SNX19: variants seen among roughly 807,000 people sequenced by gnomAD.
SNX19 encodes the protein sorting nexin-19.
In SNX19, 60 loss-of-function variants were observed where a neutral mutation model predicts 85.2. The ratio of observed to expected loss-of-function variants is 0.70; its 90% CI spans 0.57 to 0.87. The LOEUF (loss-of-function observed/expected upper bound fraction) is 0.87. Among genes scored for constraint, SNX19 ranks in the 40% least tolerant of loss-of-function variants. The pLI is 0.00. For missense variants in SNX19, 1,201 were observed against 1,217.8 expected, an observed-to-expected ratio of 0.99 and a Z score of 0.21; for synonymous variants, 520 against 470.0, an observed-to-expected ratio of 1.11 and a Z score of -1.38.
Position 130,914,643 on chromosome 11 carries a change from CTG to C in SNX19, c.1295_1296del (p.Thr432ArgfsTer18), listed in dbSNP as rs1388507550. On this transcript the variant is annotated frameshift_variant, in exon 1 of 11. Transcript: ENST00000265909. LOFTEE classifies it high-confidence loss of function. ...AGTGTGGAGACCGGCAGGCCTGTCT[CTG>C]TTTCTGTCCCTGGACCCTCCTCAGC... ...AEAEEGPGTE[T>X]ETGLPVSTLN... The C allele has an allele frequency of 6.2e-7, 1 of 1,613,968 alleles. No homozygotes were observed. The highest frequency in any genetic ancestry group is 2.2e-5 in the East Asian group (1 of 44,872).
chr11:130,895,218 C>T (rs1055081426), intron 8 of SNX19: 6 of 985,446 alleles, frequency 6.1e-6, no homozygotes, highest in Non-Finnish European at 7.2e-6. Context: ...AACCTCTTTG[C>T]TTAGGCCGTA....
In SNX19 at chr11:130,915,989, C is replaced by G. The variant is rs1946562418; in HGVS notation, c.-50G>C. 6.6e-7 allele frequency: 1 copy of G among 1,524,954 alleles called. No individual in the cohort carries two copies. Among genetic ancestry groups the G allele is most frequent in the Non-Finnish European group, 8.9e-7 (1 of 1,120,430 alleles). The allele number at this position is 1,524,954 out of a possible 1,614,324, so 94.5% of individuals were successfully genotyped here. A position where few individuals can be genotyped will look rare whatever the true frequency, so the allele number is the denominator to read the frequency against. ...CCAGATGACAGCCCTCAAGATTTTA[C>G]TTCAGAGTTAGGGAAGGGGGGCATG... On this transcript the variant is annotated 5_prime_UTR_variant, in exon 1 of 11. Transcript: ENST00000265909.
chr11:130,915,841 C>G lies in SNX19; in HGVS notation c.99G>C (p.Gly33=). ...LLSSRKLMAV[G]VLLGWLLVIH... ...TGACCAGGAGCCAGCCAAGCAAGAC[C>G]CCCACAGCCATCAGCTTCCGGCTAC... Residue 33 remains glycine (G), a synonymous_variant, in exon 1 of 11, where the codon GGG becomes GGC. Coordinates refer to ENST00000265909, the MANE Select transcript of SNX19 (RefSeq NM_014758.3). 4 of 1,614,196 alleles carry G rather than the reference C, an allele frequency of 2.5e-6. No individual in the cohort carries two copies. The highest frequency in any genetic ancestry group is 3.3e-4 in the Middle Eastern group (2 of 6,062).
rs1942812181 is a variant in SNX19 at position 130,867,388 on chromosome 11, C to T, written c.*11034G>A. ...CTGGGACATGAACATAAAAGTGCAACCTAGATGATCAGTGCCACCACCATC... is the reference window on the plus strand; with the variant it reads ...CTGGGACATGAACATAAAAGTGCAATCTAGATGATCAGTGCCACCACCATC... On this transcript the variant is annotated 3_prime_UTR_variant, in exon 11 of 11. Coordinates refer to ENST00000265909, the MANE Select transcript of SNX19 (RefSeq NM_014758.3). 2.0e-5 allele frequency: 3 copies of T among 152,132 alleles called. No individual in the cohort carries two copies. Among genetic ancestry groups the T allele is most frequent in the Admixed American group, 2.0e-4 (3 of 15,274 alleles). The allele number at this position is 152,132 out of a possible 1,614,324, so 9.4% of individuals were successfully genotyped here.
intron 8 of SNX19, among the ~76,000 whole-genome samples, chr11:130,883,561 TCTC>T (rs2135290660): frequency 6.6e-6 from 1 of 152,262 alleles, no homozygotes; most frequent in South Asian, 2.1e-4. Flanking sequence ...TCCTTATTCT[TCTC>T]CACACTCTGA....
At chr11:130,893,995 A>G (rs1306544207) in intron 8 of SNX19, 2 of 573,710 alleles carry the variant, frequency 3.5e-6, no homozygotes, top group African/African-American at 3.8e-5. Flanking sequence ...TGCTTCTCCA[A>G]AACCAAGTTA....
chr11:130,905,360 CA>C (rs71064216), intron 7 of SNX19, among the ~76,000 whole-genome samples: 96,823 of 152,038 alleles, frequency 0.64, 31,099 homozygotes, highest in South Asian at 0.8. Context: ...GGAAAAAAGA[CA>C]ATTTCCATCT....
At chr11:130,880,559 T>C in intron 9 of SNX19, 63 bp downstream of exon 9, 1 of 1,444,426 alleles carries the variant, frequency 6.9e-7, no homozygotes, top group Non-Finnish European at 9.4e-7. Context: ...GCAGGGGTAA[T>C]GGTGGCAAAG....
chr11:130,873,458 G>A lies in SNX19; in HGVS notation c.*4964C>T, dbSNP rs1487847678. 6.6e-6 allele frequency among the ~76,000 whole-genome samples: 1 copy of A among 152,152 alleles called. No individual in the cohort carries two copies. The highest frequency in any genetic ancestry group is 1.5e-5 in the Non-Finnish European group (1 of 68,026). On this transcript the variant is annotated 3_prime_UTR_variant, in exon 11 of 11. Transcript: ENST00000265909. ...CTTTGTAAGGTAGAAGGGCAGTTTA[G>A]TATAGTGGATATACTACGTAGACTC... is the stretch of plus-strand genomic sequence containing the variant.
rs75765495 is a variant in SNX19, at chr11:130,871,848, C to T, written c.*6574G>A. Among the ~76,000 whole-genome samples, 607 of 152,274 alleles carry T rather than the reference C, an allele frequency of 4.0e-3. 6 individuals are homozygous for T. Among genetic ancestry groups the T allele is most frequent in the African/African-American group, 0.014 (586 of 41,546 alleles). On this transcript the variant is annotated 3_prime_UTR_variant, in exon 11 of 11. Coordinates refer to ENST00000265909, the MANE Select transcript of SNX19 (RefSeq NM_014758.3). The stretch of plus-strand genomic sequence containing the variant: ...AAGTGTGGATGATTCATACATTATT[C>T]ACAAACTTACCTTCTTAATCACTAC...
Position 130,915,639 on chromosome 11 carries a change from C to T in SNX19, c.301G>A (p.Glu101Lys), listed in dbSNP as rs1592390176. ...CPEAERQLER[E>K]INRTIQMIIR... is the part of the protein sequence containing the mutation. ...ATCATCTGGATGGTGCGGTTGATCT[C>T]CCGTTCCAGCTGCCTTTCTGCCTCA... The change falls in exon 1 of 11, where the codon GAG (glutamate) becomes AAG (lysine). Residue 101 changes from glutamate (E) to lysine (K), a missense_variant. Glu to Lys is a moderately conservative substitution (Grantham distance 56). This residue lies in a region of SNX19 where 791 missense variants were observed against 750.9 expected (regional missense o/e 1.05). Coordinates refer to ENST00000265909, the MANE Select transcript of SNX19 (RefSeq NM_014758.3). 3 of 1,614,132 alleles carry T rather than the reference C, an allele frequency of 1.9e-6. No individual in the cohort carries two copies. The highest frequency in any genetic ancestry group is 1.3e-5 in the African/African-American group (1 of 74,944).
At position 130,904,694 on chromosome 11, in the gene SNX19, A is replaced by AG. The variant is rs1555141156; in HGVS notation, c.2443+1258_2443+1259insC. ...TCAGTTGCCTTAAAGAAAATGGTAG[A>AG]TTTTTTTTTGTTTTTTATAATCATA... On this transcript the variant is annotated intron_variant, in intron 7 of 10. Coordinates refer to ENST00000265909, the MANE Select transcript of SNX19 (RefSeq NM_014758.3). Among the ~76,000 whole-genome samples, 338 of 148,880 alleles carry AG rather than the reference A, an allele frequency of 2.3e-3. 1 individual carries two copies. The highest frequency in any genetic ancestry group is 8.1e-3 in the African/African-American group (328 of 40,704).
intron 7 of SNX19, 153 bp downstream of exon 7, chr11:130,905,800 C>A (rs770518913): frequency 1.3e-6 from 2 of 1,541,532 alleles, no homozygotes; most frequent in Non-Finnish European, 1.7e-6. Context: ...CATCTCTGTG[C>A]CCCAACACAG....
Position 130,877,080 on chromosome 11 carries a change from C to T in SNX19, c.*1342G>A, listed in dbSNP as rs1236063777. Reference sequence around the variant, plus strand: ...GACACCCCATTGCCTTCTCATCAGTCTAACTCCAAGACCTTCCTCCGAGTG... The same window carrying T: ...GACACCCCATTGCCTTCTCATCAGTTTAACTCCAAGACCTTCCTCCGAGTG... On this transcript the variant is annotated 3_prime_UTR_variant, in exon 11 of 11. Coordinates refer to ENST00000265909, the MANE Select transcript of SNX19 (RefSeq NM_014758.3). 2.0e-5 allele frequency: 3 copies of T among 152,292 alleles called. No homozygotes were observed. Among genetic ancestry groups the T allele is most frequent in the African/African-American group, 7.2e-5 (3 of 41,470 alleles). The allele number at this position is 152,292 out of a possible 1,614,324, so 9.4% of individuals were successfully genotyped here. A position where few individuals can be genotyped will look rare whatever the true frequency, so the allele number is the denominator to read the frequency against.
rs1421083417 is a variant in SNX19, at chr11:130,914,346, T to C, written c.1594A>G (p.Asn532Asp). ...GTAATGGTGCCAGTGATACGAAGGT[T>C]CTGGATGATAACTGGACCATCGGGA... The part of the protein sequence containing the change: ...SSPDGPVIIQ[N>D]LRITGTITAR... The change falls in exon 1 of 11, where the codon AAC becomes GAC. Residue 532 changes from asparagine (N) to aspartate (D), a missense_variant. By Grantham distance (23) the Asn-to-Asp change is conservative. Coordinates refer to ENST00000265909, the MANE Select transcript of SNX19 (RefSeq NM_014758.3). 6.2e-7 allele frequency: 1 copy of C among 1,613,592 alleles called. No individual in the cohort carries two copies. The highest frequency in any genetic ancestry group is 2.2e-5 in the East Asian group (1 of 44,868).
Position 130,886,321 on chromosome 11 carries a change from A to G in SNX19, c.2574-5515T>C, listed in dbSNP as rs545094781. ...GTATATATCAGATCTGCGTGCATGC[A>G]TATGTGTGTATGCGCCTGTGCCTAT... is the stretch of plus-strand genomic sequence containing the variant. On this transcript the variant is annotated intron_variant, in intron 8 of 10. Transcript: ENST00000265909. 8.5e-5 allele frequency among the ~76,000 whole-genome samples: 13 copies of G among 152,282 alleles called. No individual in the cohort carries two copies. In the East Asian group the frequency reaches 1.2e-3, roughly 14 times the overall value.
At chr11:130,887,965 C>G (rs1021212242) in intron 8 of SNX19, among the ~76,000 whole-genome samples, 1 of 152,076 alleles carries the variant, frequency 6.6e-6, no homozygotes, top group East Asian at 1.9e-4. Context: ...GGGGATTGAG[C>G]CTTCCTTTAG....
chr11:130,891,133 C>T (rs1171300804), intron 8 of SNX19, among the ~76,000 whole-genome samples: 1 of 152,108 alleles, frequency 6.6e-6, no homozygotes, highest in Non-Finnish European at 1.5e-5. Context: ...TTTAAAAAAT[C>T]ATGGACAATA....
intron 8 of SNX19, 46 bp downstream of exon 8, chr11:130,903,209 T>C: frequency 6.2e-7 from 1 of 1,611,038 alleles, no homozygotes; most frequent in East Asian, 2.2e-5. Context: ...ATCCACCTTC[T>C]CTGCAACTTG....
Sources: gnomAD v4.1 joint callset for allele counts (sites outside exome capture counted in the v4.1 genomes callset) on GRCh38, gnomAD v4.1.1 for gene constraint, gnomAD v4.1.1 regional missense constraint, MANE v1.5 for transcripts, NCBI Gene and HGNC (gene_info 2026-07-23, HGNC 2026-07-21) for gene names.